Variants in GRID2 observed in about 807,000 individuals in gnomAD.
GRID2 encodes the protein glutamate receptor ionotropic, delta-2.
A neutral mutation model predicts 114.8 loss-of-function variants in GRID2; 33 were observed. The observed-to-expected ratio is 0.29, with a 90% CI of 0.22 to 0.38. The LOEUF (loss-of-function observed/expected upper bound fraction) is 0.38. Ranked by LOEUF, GRID2 falls within the 10% of genes least tolerant of loss-of-function variation. The pLI is 1.00. For missense variants in GRID2, 1,184 were observed against 1,257.7 expected (o/e 0.94, Z 0.89); for synonymous variants, 505 against 449.9 (o/e 1.12, Z -1.55).
At chr4:92,796,966 A>C (rs554881051) in intron 2 of GRID2, among the ~76,000 whole-genome samples, 1 of 152,090 alleles carries the variant, frequency 6.6e-6, no homozygotes, top group Admixed American at 6.6e-5. Flanking sequence ...GGTATTTTGC[A>C]CTTGCTTGCA....
intron 1 of GRID2, among the ~76,000 whole-genome samples, chr4:92,574,561 G>T (rs1727796034): frequency 6.6e-6 from 1 of 151,634 alleles, no homozygotes; most frequent in African/African-American, 2.4e-5. Flanking sequence ...CTTATGAAAG[G>T]ATCTCCTCTC....
intron 14 of GRID2, among the ~76,000 whole-genome samples, chr4:93,681,034 T>C (rs9684868): frequency 0.067 from 10,168 of 151,188 alleles, 516 homozygotes; most frequent in South Asian, 0.11. Flanking sequence ...GAAAACCCCA[T>C]TGTCTCAGCC....
intron 11 of GRID2, among the ~76,000 whole-genome samples, chr4:93,466,858 G>A (rs1224555874): frequency 6.6e-6 from 1 of 152,138 alleles, no homozygotes; most frequent in Non-Finnish European, 1.5e-5. Flanking sequence ...AAGCAGTCTT[G>A]TCAATTATAT....
At chr4:93,290,010 A>C (rs575198758) in intron 8 of GRID2, among the ~76,000 whole-genome samples, 1 of 152,296 alleles carries the variant, frequency 6.6e-6, no homozygotes, top group South Asian at 2.1e-4. Flanking sequence ...TTTCCAGTGT[A>C]TATTAAAGTG....
At chr4:92,787,832 C>A (rs1432814254) in intron 2 of GRID2, among the ~76,000 whole-genome samples, 1 of 151,754 alleles carries the variant, frequency 6.6e-6, no homozygotes, top group Non-Finnish European at 1.5e-5. Context: ...TGATAGAAGA[C>A]CGATGACATG....
intron 8 of GRID2, chr4:93,318,615 A>G (rs1324236564): frequency 6.6e-6 from 1 of 152,062 alleles, no homozygotes; most frequent in African/African-American, 2.4e-5. Flanking sequence ...GAATGATCAC[A>G]TAGTATCTTT....
intron 2 of GRID2, among the ~76,000 whole-genome samples, chr4:93,054,058 T>G (rs1726981815): frequency 6.6e-6 from 1 of 151,976 alleles, no homozygotes; most frequent in South Asian, 2.1e-4. Flanking sequence ...TAGCCATATA[T>G]TAAAAGCATT....
chr4:93,286,474 C>T (rs1308380396), intron 8 of GRID2, among the ~76,000 whole-genome samples: 1 of 152,112 alleles, frequency 6.6e-6, no homozygotes. Flanking sequence ...TTCCAGGGTT[C>T]ATATCACCCT....
chr4:93,155,652 A>AAAG (rs1288018218), intron 4 of GRID2, among the ~76,000 whole-genome samples: 1 of 151,940 alleles, frequency 6.6e-6, no homozygotes, highest in African/African-American at 2.4e-5. Flanking sequence ...TGATAGCTGG[A>AAAG]AAGACACTGG....
chr4:92,681,826 G>A (rs1733664418), intron 2 of GRID2, among the ~76,000 whole-genome samples: 1 of 152,054 alleles, frequency 6.6e-6, no homozygotes, highest in African/African-American at 2.4e-5. Context: ...TATTCAGAAT[G>A]TGGAAGATGA....
intron 2 of GRID2, among the ~76,000 whole-genome samples, chr4:92,748,670 ATTATTATTT>A (rs906496938): frequency 1.4e-5 from 2 of 143,528 alleles, no homozygotes; most frequent in African/African-American, 5.1e-5. Flanking sequence ...TATTATTATT[ATTATTATTT>A]GAGATGGAGT....
At chr4:92,454,263 T>G (rs1288902234) in intron 1 of GRID2, among the ~76,000 whole-genome samples, 1 of 152,162 alleles carries the variant, frequency 6.6e-6, no homozygotes, top group Non-Finnish European at 1.5e-5. Flanking sequence ...TCAAATTCTA[T>G]TAATTATTCA....
intron 8 of GRID2, among the ~76,000 whole-genome samples, chr4:93,259,629 C>T (rs1750024225): frequency 1.3e-5 from 2 of 151,548 alleles, no homozygotes; most frequent in Admixed American, 1.3e-4. Context: ...TTATGCAAAG[C>T]CTTTGACTAT....
At chr4:92,341,816 G>A (rs1201595313) in intron 1 of GRID2, among the ~76,000 whole-genome samples, 1 of 151,716 alleles carries the variant, frequency 6.6e-6, no homozygotes, top group Admixed American at 6.6e-5. Flanking sequence ...TTCGGAGGCT[G>A]AGGCGGGAGA....
intron 2 of GRID2, among the ~76,000 whole-genome samples, chr4:92,686,761 A>G (rs62310187): frequency 0.07 from 10,704 of 152,102 alleles, 425 homozygotes; most frequent in East Asian, 0.088. Context: ...AAAATTAGCA[A>G]TGTTATTTCT....
chr4:92,809,346 A>G (rs1338883244), intron 2 of GRID2, among the ~76,000 whole-genome samples: 2 of 151,970 alleles, frequency 1.3e-5, no homozygotes, highest in Admixed American at 6.6e-5. Flanking sequence ...TCAAGGAACT[A>G]TACTAAAAAT....
At chr4:92,393,380 C>T (rs1041127773) in intron 1 of GRID2, among the ~76,000 whole-genome samples, 2 of 152,140 alleles carry the variant, frequency 1.3e-5, no homozygotes, top group Non-Finnish European at 2.9e-5. Flanking sequence ...TACATAATAT[C>T]TCTCTTCAAG....
intron 13 of GRID2, among the ~76,000 whole-genome samples, chr4:93,603,491 A>C (rs1209776048): frequency 6.6e-6 from 1 of 152,258 alleles, no homozygotes; most frequent in Non-Finnish European, 1.5e-5. Flanking sequence ...ATGAAGCAAC[A>C]GATGCTGATG....
At chr4:93,001,361 T>C (rs975717743) in intron 2 of GRID2, among the ~76,000 whole-genome samples, 1 of 151,646 alleles carries the variant, frequency 6.6e-6, no homozygotes. Context: ...AAGCTTATGA[T>C]AGAACAAGGA....
Sources: gnomAD v4.1 joint callset for allele counts (sites outside exome capture counted in the v4.1 genomes callset) on GRCh38, gnomAD v4.1.1 for gene constraint, MANE v1.5 for transcripts, NCBI Gene and HGNC (gene_info 2026-07-23, HGNC 2026-07-21) for gene names.